The following OCA2 variants were observed in gnomAD, a reference collection of about 807,000 sequenced individuals.
OCA2 encodes the protein OCA2 melanosomal transmembrane protein, also known as P protein.
OCA2 carries 77 observed loss-of-function variants against 100.2 expected under a neutral mutation model. That is an observed-to-expected ratio of 0.77 (90% confidence interval 0.64 to 0.93). OCA2 has a LOEUF of 0.93. Among genes scored for constraint, OCA2 ranks in the 40% least tolerant of loss-of-function variants. The probability of loss-of-function intolerance (pLI) is 0.00; values close to 1 mark genes in which losing one functional copy is unlikely to be tolerated. For synonymous variants in OCA2, 432 were observed against 439.2 expected, an observed-to-expected ratio of 0.98 and a Z score of 0.21; for missense variants, 1,062 against 1,089.1, an observed-to-expected ratio of 0.98 and a Z score of 0.35.
intron 18 of OCA2, among the ~76,000 whole-genome samples, chr15:27,945,994 A>C (rs1002560865): frequency 6.6e-6 from 1 of 152,188 alleles, no homozygotes; most frequent in African/African-American, 2.4e-5. Context: ...AAAAAAATTC[A>C]AAAAACCCTG....
intron 1 of OCA2, among the ~76,000 whole-genome samples, chr15:28,086,235 G>A (rs1364409976): frequency 6.6e-6 from 1 of 152,226 alleles, no homozygotes; most frequent in Non-Finnish European, 1.5e-5. Context: ...AGGCCAAATG[G>A]AGAGTCAGGG....
intron 23 of OCA2, among the ~76,000 whole-genome samples, chr15:27,828,129 C>G (rs1225433077): frequency 1.3e-5 from 2 of 152,152 alleles, no homozygotes; most frequent in African/African-American, 4.8e-5. Context: ...GCATTGGCGC[C>G]AGGGCCCTGT....
chr15:27,719,036 T>C, the OCA2 span, among the ~76,000 whole-genome samples: 17 of 152,318 alleles, frequency 1.1e-4, no homozygotes, highest in African/African-American at 4.1e-4. Flanking sequence ...TGTATTGTAT[T>C]GGCCCAGCCC....
intron 23 of OCA2, among the ~76,000 whole-genome samples, chr15:27,826,099 C>A (rs751631182): frequency 6.6e-6 from 1 of 152,138 alleles, no homozygotes; most frequent in Non-Finnish European, 1.5e-5. Flanking sequence ...TTACATAGGT[C>A]CATAGGAAAC....
At chr15:27,897,451 C>T (rs1004172962) in intron 19 of OCA2, among the ~76,000 whole-genome samples, 6 of 152,204 alleles carry the variant, frequency 3.9e-5, no homozygotes, top group Admixed American at 1.3e-4. Context: ...GGAGCCAAGG[C>T]AGAGCTCGGG....
intron 23 of OCA2, among the ~76,000 whole-genome samples, chr15:27,844,436 C>A (rs900990537): frequency 1.6e-4 from 25 of 152,262 alleles, no homozygotes; most frequent in East Asian, 1.9e-4. Flanking sequence ...AGCCCACAGT[C>A]ATTTCCTGGC....
intron 21 of OCA2, among the ~76,000 whole-genome samples, chr15:27,852,485 G>A (rs1482685040): frequency 6.6e-6 from 1 of 152,126 alleles, no homozygotes; most frequent in African/African-American, 2.4e-5. Context: ...AGAAAACCTA[G>A]GCAATACCAT....
intron 23 of OCA2, among the ~76,000 whole-genome samples, chr15:27,774,648 A>G (rs1595388932): frequency 6.6e-6 from 1 of 152,208 alleles, no homozygotes; most frequent in African/African-American, 2.4e-5. Context: ...CCTAGCCCCC[A>G]GGACCTCAGA....
intron 14 of OCA2, among the ~76,000 whole-genome samples, chr15:27,974,924 G>T (rs2040918239): frequency 6.6e-6 from 1 of 152,160 alleles, no homozygotes; most frequent in African/African-American, 2.4e-5. Flanking sequence ...AAGACCATAG[G>T]GTGTACTCAC....
chr15:27,773,340 C>G (rs1375573093), intron 23 of OCA2, among the ~76,000 whole-genome samples: 1 of 151,876 alleles, frequency 6.6e-6, no homozygotes, highest in African/African-American at 2.4e-5. Context: ...ATAAATGAAC[C>G]AGTATCCTTT....
At chr15:27,785,663 C>A (rs1382026903) in intron 23 of OCA2, among the ~76,000 whole-genome samples, 1 of 152,100 alleles carries the variant, frequency 6.6e-6, no homozygotes, top group Non-Finnish European at 1.5e-5. Context: ...ATTGTGGGGC[C>A]ACTATGGAAG....
At chr15:27,746,463 A>AAAATAAAT in the OCA2 span, among the ~76,000 whole-genome samples, 6 of 150,388 alleles carry the variant, frequency 4.0e-5, no homozygotes, top group Middle Eastern at 3.4e-3. Context: ...TCTGTATTAA[A>AAAATAAAT]AAATAAATAA....
chr15:27,875,347 C>G (rs1011375450), intron 19 of OCA2, among the ~76,000 whole-genome samples: 2 of 151,440 alleles, frequency 1.3e-5, no homozygotes, highest in African/African-American at 4.9e-5. Context: ...TTTCTGGACT[C>G]TCTCTTCTGT....
At chr15:27,720,240 T>G in the OCA2 span, among the ~76,000 whole-genome samples, 1 of 151,842 alleles carries the variant, frequency 6.6e-6, no homozygotes, top group East Asian at 1.9e-4. Flanking sequence ...AGTGAATGAA[T>G]AAGCAAATTG....
At chr15:27,831,559 C>A (rs1200237293) in intron 23 of OCA2, among the ~76,000 whole-genome samples, 1 of 152,226 alleles carries the variant, frequency 6.6e-6, no homozygotes, top group Admixed American at 6.5e-5. Context: ...GGCCTAGGCA[C>A]TGGGCTAGAT....
intron 23 of OCA2, among the ~76,000 whole-genome samples, chr15:27,763,950 C>T (rs1035719832): frequency 1.3e-5 from 2 of 152,092 alleles, no homozygotes; most frequent in Non-Finnish European, 2.9e-5. Flanking sequence ...CCAGTGTCCT[C>T]ACTAAGAAAC....
chr15:27,959,136 T>C (rs2040327965), intron 15 of OCA2, among the ~76,000 whole-genome samples: 1 of 152,220 alleles, frequency 6.6e-6, no homozygotes, highest in Admixed American at 6.5e-5. Context: ...CTATTTCAGT[T>C]AGCACATGGC....
intron 23 of OCA2, among the ~76,000 whole-genome samples, chr15:27,795,839 G>A (rs375576050): frequency 6.6e-6 from 1 of 152,160 alleles, no homozygotes; most frequent in Non-Finnish European, 1.5e-5. Flanking sequence ...CATCCACATC[G>A]CTGATTGTAT....
intron 23 of OCA2, among the ~76,000 whole-genome samples, chr15:27,756,665 C>T (rs901104719): frequency 9.9e-5 from 15 of 152,226 alleles, no homozygotes; most frequent in African/African-American, 3.4e-4. Context: ...ACAGACATCA[C>T]TGCAAGCCTT....
Sources: allele counts gnomAD v4.1 joint callset (sites outside exome capture counted in the v4.1 genomes callset), GRCh38; gene constraint gnomAD v4.1.1; transcripts MANE v1.5; gene names NCBI Gene and HGNC (gene_info 2026-07-23, HGNC 2026-07-21).